Variants in ERI3 observed in about 807,000 individuals in gnomAD.
The protein encoded by ERI3 is ERI1 exoribonuclease family member 3.
ERI3 carries 18 observed loss-of-function variants against 44.4 expected under a neutral mutation model. The observed-to-expected ratio is 0.41, with a 90% CI of 0.28 to 0.60. The LOEUF (loss-of-function observed/expected upper bound fraction) is 0.60, where lower values mean the gene tolerates loss of function less well. ERI3 is among the 20% of genes least tolerant of loss of function. The pLI, the probability that ERI3 is intolerant of heterozygous loss-of-function variation, is 0.36. For missense variants in ERI3, 294 were observed against 435.5 expected (o/e 0.68, Z 2.89); for synonymous variants, 183 against 164.8 (o/e 1.11, Z -0.84).
At chr1:44,294,617 G>C (rs1234835817) in intron 6 of ERI3, among the ~76,000 whole-genome samples, 2 of 152,240 alleles carry the variant, frequency 1.3e-5, no homozygotes, top group Non-Finnish European at 2.9e-5. Context: ...AAGTGCTGGA[G>C]CTGCCACCAG....
At chr1:44,271,962 T>G (rs1308013997) in intron 7 of ERI3, among the ~76,000 whole-genome samples, 1 of 152,220 alleles carries the variant, frequency 6.6e-6, no homozygotes, top group Non-Finnish European at 1.5e-5. Context: ...TGAACTCTGC[T>G]GTGAGAGTCT....
chr1:44,302,418 T>G (rs1645745824), intron 6 of ERI3, among the ~76,000 whole-genome samples: 1 of 152,206 alleles, frequency 6.6e-6, no homozygotes, highest in South Asian at 2.1e-4. Flanking sequence ...TCAAAGGTGA[T>G]GCAGCTCAGT....
At chr1:44,308,929 G>T (rs1366889175) in intron 5 of ERI3, among the ~76,000 whole-genome samples, 1 of 152,156 alleles carries the variant, frequency 6.6e-6, no homozygotes, top group East Asian at 1.9e-4. Context: ...CCCTTTACTG[G>T]ACTGGAGCCC....
At chr1:44,341,602 T>C (rs1217240071) in intron 2 of ERI3, among the ~76,000 whole-genome samples, 1 of 152,204 alleles carries the variant, frequency 6.6e-6, no homozygotes, top group Non-Finnish European at 1.5e-5. Flanking sequence ...AAAAAGCTTC[T>C]TTTGGCCAAG....
intron 6 of ERI3, among the ~76,000 whole-genome samples, chr1:44,307,124 G>A (rs908877872): frequency 6.6e-6 from 1 of 152,144 alleles, no homozygotes; most frequent in Non-Finnish European, 1.5e-5. Context: ...ACCAAGAGGG[G>A]TGCAGTCAGT....
intron 7 of ERI3, among the ~76,000 whole-genome samples, chr1:44,281,740 T>C (rs1164822426): frequency 6.6e-6 from 1 of 151,844 alleles, no homozygotes; most frequent in Non-Finnish European, 1.5e-5. Flanking sequence ...CCTGCAAATA[T>C]TTCTGCAGGT....
At chr1:44,282,287 AGACCAG>A (rs1645306128) in intron 7 of ERI3, among the ~76,000 whole-genome samples, 1 of 152,112 alleles carries the variant, frequency 6.6e-6, no homozygotes, top group African/African-American at 2.4e-5. Context: ...GTGACCAAGC[AGACCAG>A]GACCTTTCCC....
Position 44,252,574 on chromosome 1 carries a change from G to A in ERI3, c.832-4536C>T, listed in dbSNP as rs1572116951. ...ATTGCTGGGCCCGCGAAATGGAATC[G>A]TGTATAATCAGCCTCCTCCATGCAC... is the stretch of plus-strand genomic sequence containing the variant. On this transcript the variant is annotated intron_variant, in intron 7 of 8. Coordinates refer to ENST00000372257, the MANE Select transcript of ERI3 (RefSeq NM_024066.3). The surrounding 1 kb of genome is among the most constrained non-coding windows in gnomAD (Gnocchi z 4.7). 6.6e-6 allele frequency among the ~76,000 whole-genome samples: 1 copy of A among 152,230 alleles called. No homozygotes were observed. Among genetic ancestry groups the A allele is most frequent in the Non-Finnish European group, 1.5e-5 (1 of 68,036 alleles).
At chr1:44,321,352 G>A (rs186165020) in intron 3 of ERI3, among the ~76,000 whole-genome samples, 105 of 152,220 alleles carry the variant, frequency 6.9e-4, no homozygotes, top group African/African-American at 2.3e-3. Flanking sequence ...TGGCTGCAAG[G>A]CTGAGGCAGA....
intron 7 of ERI3, chr1:44,256,929 G>T (rs1385908658): frequency 6.6e-6 from 1 of 152,284 alleles, no homozygotes; most frequent in African/African-American, 2.4e-5. Flanking sequence ...CCCTGCAGAA[G>T]AGGGTGGCCT....
At chr1:44,307,414 C>G (rs12029227) in intron 6 of ERI3, among the ~76,000 whole-genome samples, 1 of 152,120 alleles carries the variant, frequency 6.6e-6, no homozygotes, top group African/African-American at 2.4e-5. Flanking sequence ...CAAACACACA[C>G]ACACAAACAC....
intron 3 of ERI3, among the ~76,000 whole-genome samples, chr1:44,336,395 G>A (rs1391948519): frequency 1.3e-5 from 2 of 152,224 alleles, no homozygotes; most frequent in African/African-American, 4.8e-5. Flanking sequence ...CTTTCCTGAA[G>A]GTGGTCTGAT....
rs367944765 is a variant in ERI3, at chr1:44,352,923, A to C, written c.138T>G (p.His46Gln). The change falls in exon 2 of 9, where the codon CAT becomes CAG. Residue 46 changes from histidine to glutamine, a missense_variant and splice_region_variant. Around this residue, in one of 2 missense-constraint regions of ERI3, gnomAD observed 107 missense variants for 96.9 expected, o/e 1.10. Transcript: ENST00000372257. Reference sequence around the variant, plus strand: ...GTTCTGTGAGAGCTGGAAAGCCCCAATGCTGTGGATAAATACACATCTCTG... The same window carrying C: ...GTTCTGTGAGAGCTGGAAAGCCCCACTGCTGTGGATAAATACACATCTCTG... ...MGPSWGQHPG[H>Q]WGFPALTEPS... is the part of the protein sequence containing the mutation. 3.7e-6 allele frequency: 6 copies of C among 1,614,186 alleles called. No individual in the cohort carries two copies. In the Admixed American group the frequency reaches 5.0e-5, roughly 13 times the overall value.
intron 6 of ERI3, among the ~76,000 whole-genome samples, chr1:44,289,175 C>T (rs1337918270): frequency 6.6e-6 from 1 of 152,180 alleles, no homozygotes; most frequent in Non-Finnish European, 1.5e-5. Flanking sequence ...TATGTCCAGG[C>T]CATAAAAAGG....
At chr1:44,319,521 T>G in intron 4 of ERI3, 107 bp downstream of exon 4, 1 of 725,110 alleles carries the variant, frequency 1.4e-6, no homozygotes, top group East Asian at 2.5e-5. Flanking sequence ...GCACTTGCCT[T>G]AAGGATTGAT....
At chr1:44,233,484 ACCTCTG>A (rs1415588922) in intron 8 of ERI3, among the ~76,000 whole-genome samples, 2 of 150,852 alleles carry the variant, frequency 1.3e-5, no homozygotes, top group African/African-American at 4.9e-5. Flanking sequence ...GCTCACTGCA[ACCTCTG>A]CCTCCCGGGT....
intron 1 of ERI3, 174 bp from the exon 2 acceptor site, chr1:44,353,099 G>C (rs1251615397): frequency 1.0e-6 from 1 of 985,286 alleles, no homozygotes; most frequent in African/African-American, 1.7e-5. Context: ...CATTTGTAAT[G>C]ATTTTCATGT....
intron 3 of ERI3, among the ~76,000 whole-genome samples, chr1:44,321,453 C>T (rs754226320): frequency 5.9e-5 from 9 of 152,146 alleles, no homozygotes; most frequent in Admixed American, 1.3e-4. Context: ...TTCCCAATTC[C>T]CTGGACCTTC....
At chr1:44,232,533 C>A (rs887927624) in intron 8 of ERI3, among the ~76,000 whole-genome samples, 2 of 151,176 alleles carry the variant, frequency 1.3e-5, no homozygotes, top group African/African-American at 4.9e-5. Flanking sequence ...TCAGACTATT[C>A]AGACTTCTTC....
Sources: allele counts gnomAD v4.1 joint callset (sites outside exome capture counted in the v4.1 genomes callset), GRCh38; gene constraint gnomAD v4.1.1; regional missense constraint gnomAD v4.1.1; non-coding constraint Gnocchi (gnomAD v3.1); transcripts MANE v1.5; gene names NCBI Gene and HGNC (gene_info 2026-07-23, HGNC 2026-07-21).